SASH3: variants seen among roughly 807,000 people sequenced by gnomAD.
SASH3 encodes the protein SAM and SH3 domain containing 3.
In SASH3, 7 loss-of-function variants were observed where a neutral mutation model predicts 26.1. The observed-to-expected ratio is 0.27, with a 90% CI of 0.15 to 0.50. The LOEUF is 0.50. SASH3 is among the 20% of genes least tolerant of loss of function. The pLI is 0.98. For missense variants in SASH3, 231 were observed against 318.3 expected (o/e 0.73, Z 2.09); for synonymous variants, 138 against 136.8 (o/e 1.01, Z -0.06).
intron 3 of SASH3, among the ~76,000 whole-genome samples, chrX:129,788,964 G>A (rs1011494183): frequency 1.8e-5 from 2 of 109,173 alleles, no homozygotes; most frequent in African/African-American, 3.3e-5. Context: ...TTAGCCAGGC[G>A]TGGTGGCACA....
At chrX:129,788,361 T>A (rs1927147788) in intron 2 of SASH3, 70 bp from the exon 3 acceptor site, 3 of 1,139,732 alleles carry the variant, frequency 2.6e-6, no homozygotes, top group South Asian at 1.9e-5. Flanking sequence ...CCCCAAGGCC[T>A]CTTTTGCCTC....
intron 1 of SASH3, among the ~76,000 whole-genome samples, chrX:129,784,917 T>C: frequency 9.1e-6 from 1 of 110,436 alleles, no homozygotes; most frequent in Non-Finnish European, 1.9e-5. Context: ...TCAAATGTAT[T>C]GTATATTACA....
chrX:129,792,402 C>T lies in SASH3; in HGVS notation c.517C>T (p.Pro173Ser). Residue 173 changes from proline to serine, a missense_variant, in exon 5 of 8, where the codon CCT (proline) becomes TCT (serine). Pro to Ser is a moderately conservative substitution (Grantham distance 74). Transcript: ENST00000356892. ...ACCACCTGCCCCCCAGTACACAGGG[C>T]CTTTCTGTGGCCGGGCACGAGTCCA... ...EEPPAPQYTG[P>S]FCGRARVHTD... is the part of the protein sequence containing the mutation. The T allele has an allele frequency of 4.1e-6, 5 of 1,211,600 alleles. No individual in the cohort carries two copies. The highest frequency in any genetic ancestry group is 5.6e-6 in the Non-Finnish European group (5 of 895,280).
Position 129,793,792 on chromosome X carries a change from A to C in SASH3, c.1103A>C (p.Glu368Ala), listed in dbSNP as rs770710833. Reference protein sequence around the residue: ...GRDDAELAGTEEQLQGLSLAG... With the variant: ...GRDDAELAGTAEQLQGLSLAG... ...GATGACGCAGAGCTGGCAGGCACTG[A>C]GGAGCAGCTGCAAGGCCTCTCCCTG... Residue 368 changes from glutamate (E) to alanine (A), a missense_variant, in exon 8 of 8, where the codon GAG becomes GCG. Physicochemically the swap from Glu to Ala is moderately radical, Grantham distance 107. Transcript: ENST00000356892. The C allele has an allele frequency of 5.0e-6, 6 of 1,201,922 alleles. No individual in the cohort carries two copies. Among genetic ancestry groups the C allele is most frequent in the Non-Finnish European group, 6.7e-6 (6 of 890,670 alleles).
chrX:129,783,442 G>A (rs1373088440), intron 1 of SASH3, among the ~76,000 whole-genome samples: 7 of 112,016 alleles, frequency 6.2e-5, no homozygotes, highest in Middle Eastern at 4.7e-3. Flanking sequence ...CTGGTGGGGC[G>A]GGGCAACAGC....
At chrX:129,793,610 C>G in intron 7 of SASH3, 32 bp from the exon 8 acceptor site, 1 of 1,200,091 alleles carries the variant, frequency 8.3e-7, no homozygotes, top group Non-Finnish European at 1.1e-6. Flanking sequence ...CCTCCACCCC[C>G]ATATTCTGTC....
intron 2 of SASH3, 32 bp from the exon 3 acceptor site, chrX:129,788,399 G>A (rs757355731): frequency 8.3e-7 from 1 of 1,206,328 alleles, no homozygotes; most frequent in Admixed American, 2.2e-5. Context: ...AGGACCACCA[G>A]GGTCCCTGGA....
chrX:129,780,141 C>T lies in SASH3; in HGVS notation c.44C>T (p.Thr15Ile), dbSNP rs375209867. 3 of 1,210,283 alleles carry T rather than the reference C, an allele frequency of 2.5e-6. No homozygotes were observed. Among genetic ancestry groups the T allele is most frequent in the African/African-American group, 1.7e-5 (1 of 57,648 alleles). Residue 15 changes from threonine (T) to isoleucine (I), a missense_variant, in exon 1 of 8, where the codon ACT becomes ATT. Thr to Ile is a moderately conservative substitution (Grantham distance 89). Coordinates refer to ENST00000356892, the MANE Select transcript of SASH3 (RefSeq NM_018990.4). The part of the protein sequence containing the change: ...KPSNASEKEP[T>I]QKKKLSLQRS... ...TCCAATGCCAGTGAGAAGGAGCCCACTCAGAAGAAAAAGGTGAGGAGCATT... is the reference window on the plus strand; with the variant it reads ...TCCAATGCCAGTGAGAAGGAGCCCATTCAGAAGAAAAAGGTGAGGAGCATT...
Position 129,794,077 on chromosome X carries a change from A to G in SASH3, c.*245A>G. 5.2e-6 allele frequency: 2 copies of G among 381,771 alleles called. No individual in the cohort carries two copies. The highest frequency in any genetic ancestry group is 7.9e-5 in the East Asian group (2 of 25,199). The allele number at this position is 381,771 out of a possible 1,213,427, so 31.5% of individuals were successfully genotyped here. ...GCCCCGCCCTCCACCAGCGACTGAC[A>G]GCGCAGCCCCTCCTGGCACCAACTG... On this transcript the variant is annotated 3_prime_UTR_variant, in exon 8 of 8. Transcript: ENST00000356892.
At chrX:129,782,233 T>C (rs1927030022) in intron 1 of SASH3, among the ~76,000 whole-genome samples, 1 of 112,069 alleles carries the variant, frequency 8.9e-6, no homozygotes, top group Non-Finnish European at 1.9e-5. Flanking sequence ...CAAGAGGTTG[T>C]ACAGATCACC....
At chrX:129,782,292 C>G (rs1029837863) in intron 1 of SASH3, among the ~76,000 whole-genome samples, 2 of 112,159 alleles carry the variant, frequency 1.8e-5, no homozygotes, top group Non-Finnish European at 3.8e-5. Flanking sequence ...CACGTGCATA[C>G]CACACAAGGG....
At chrX:129,790,907 C>G (rs1261693452) in intron 3 of SASH3, 33 bp from the exon 4 acceptor site, 3 of 1,201,850 alleles carry the variant, frequency 2.5e-6, no homozygotes, top group East Asian at 3.0e-5. Flanking sequence ...CCCAGCAAGG[C>G]TCCTTAAAGC....
intron 3 of SASH3, among the ~76,000 whole-genome samples, chrX:129,789,105 AAAAAAAAG>A (rs1303946485): frequency 4.6e-5 from 2 of 43,741 alleles, no homozygotes; most frequent in African/African-American, 1.7e-4. Flanking sequence ...CTGTCTCAAA[AAAAAAAAG>A]AAAGAAAGAA....
chrX:129,782,039 C>CT (rs768903059), intron 1 of SASH3, among the ~76,000 whole-genome samples: 2 of 112,492 alleles, frequency 1.8e-5, no homozygotes, highest in South Asian at 7.3e-4. Flanking sequence ...AGAGAGGCCT[C>CT]TTTCTCCTGC....
chrX:129,795,149 A>T lies in SASH3; in HGVS notation c.*1317A>T, dbSNP rs73225588. On this transcript the variant is annotated 3_prime_UTR_variant, in exon 8 of 8. Coordinates refer to ENST00000356892, the MANE Select transcript of SASH3 (RefSeq NM_018990.4). Reference sequence around the variant, plus strand: ...TTTGGGGAAGGGGTTGGGTGTAAATATGAGAGGGTGGAGGGAGACCAGCTG... The same window carrying T: ...TTTGGGGAAGGGGTTGGGTGTAAATTTGAGAGGGTGGAGGGAGACCAGCTG... 10 of 111,587 alleles carry T rather than the reference A, an allele frequency of 9.0e-5. No individual in the cohort carries two copies. Among genetic ancestry groups the T allele is most frequent in the Non-Finnish European group, 1.9e-4 (10 of 52,997 alleles). The allele number at this position is 111,587 out of a possible 1,213,427, so 9.2% of individuals were successfully genotyped here. A position where few individuals can be genotyped will look rare whatever the true frequency, so the allele number is the denominator to read the frequency against.
intron 3 of SASH3, among the ~76,000 whole-genome samples, chrX:129,789,109 A>AAAAGAAGAAAG (rs1556001554): frequency 2.5e-5 from 1 of 39,453 alleles, no homozygotes; most frequent in Non-Finnish European, 4.0e-5. Context: ...CTCAAAAAAA[A>AAAAGAAGAAAG]AAAGAAAGAA....
At position 129,794,114 on chromosome X, in the gene SASH3, T is replaced by TGGCCAC. The variant is rs1927288463; in HGVS notation, c.*289_*294dup. 2 of 350,123 alleles carry TGGCCAC rather than the reference T, an allele frequency of 5.7e-6. No homozygotes were observed. The highest frequency in any genetic ancestry group is 1.4e-4 in the South Asian group (2 of 13,963). The allele number at this position is 350,123 out of a possible 1,213,427, so 28.9% of individuals were successfully genotyped here. A position where few individuals can be genotyped will look rare whatever the true frequency, so the allele number is the denominator to read the frequency against. ...CCTGGCACCAACTGCTCCCCTGCCATGGCCACGGCCACAGCAAGTGGGGCA... is the reference window on the plus strand; with the variant it reads ...CCTGGCACCAACTGCTCCCCTGCCATGGCCACGGCCACGGCCACAGCAAGTGGGGCA... On this transcript the variant is annotated 3_prime_UTR_variant, in exon 8 of 8. Transcript: ENST00000356892.
intron 2 of SASH3, 67 bp downstream of exon 2, chrX:129,788,137 G>GGGGGGGGCCCGGC: frequency 2.8e-6 from 1 of 354,271 alleles, no homozygotes; most frequent in Non-Finnish European, 5.4e-6. Flanking sequence ...GGGTGGGAGG[G>GGGGGGGGCCCGGC]AAGAGGGTGA....
At chrX:129,783,443 G>A (rs1434684201) in intron 1 of SASH3, among the ~76,000 whole-genome samples, 3 of 111,992 alleles carry the variant, frequency 2.7e-5, no homozygotes, top group Admixed American at 1.9e-4. Flanking sequence ...TGGTGGGGCG[G>A]GGCAACAGCA....
Sources: allele counts gnomAD v4.1 joint callset (sites outside exome capture counted in the v4.1 genomes callset), GRCh38; gene constraint gnomAD v4.1.1; transcripts MANE v1.5; gene names NCBI Gene and HGNC (gene_info 2026-07-23, HGNC 2026-07-21).